TAS1R2: variants seen among roughly 807,000 people sequenced by gnomAD.
TAS1R2 encodes the protein taste receptor type 1 member 2.
TAS1R2 carries 47 observed loss-of-function variants against 49.3 expected under a neutral mutation model. That is an observed-to-expected ratio of 0.95 (90% CI 0.75 to 1.22). The LOEUF (loss-of-function observed/expected upper bound fraction) is 1.22, where lower values mean the gene tolerates loss of function less well. Ranked by LOEUF, TAS1R2 falls within the 50% of genes most tolerant of loss-of-function variation. The probability of loss-of-function intolerance (pLI) is 0.00; values close to 1 mark genes in which losing one functional copy is unlikely to be tolerated. For synonymous variants in TAS1R2, 479 were observed against 467.9 expected, an observed-to-expected ratio of 1.02 and a Z score of -0.31; for missense variants, 1,155 against 1,122.1, an observed-to-expected ratio of 1.03 and a Z score of -0.42.
chr1:18,859,350 G>C (rs541215068), intron 1 of TAS1R2, 129 bp downstream of exon 1: 1 of 1,139,378 alleles, frequency 8.8e-7, no homozygotes, highest in East Asian at 2.4e-5. Context: ...AGAATAAGGG[G>C]GTTGGCAATG....
intron 4 of TAS1R2, among the ~76,000 whole-genome samples, chr1:18,844,689 G>T (rs2100509824): frequency 6.6e-6 from 1 of 152,266 alleles, no homozygotes; most frequent in East Asian, 1.9e-4. Flanking sequence ...TGGGGGCGGA[G>T]GTTGCAATGA....
intron 4 of TAS1R2, among the ~76,000 whole-genome samples, chr1:18,848,727 T>C (rs4920555): frequency 0.41 from 63,009 of 152,034 alleles, 13,356 homozygotes; most frequent in East Asian, 0.55. Flanking sequence ...GAACTGTGCA[T>C]ACAAGGGATC....
At chr1:18,849,080 G>GCA (rs1933973518) in intron 4 of TAS1R2, among the ~76,000 whole-genome samples, 1 of 152,130 alleles carries the variant, frequency 6.6e-6, no homozygotes, top group South Asian at 2.1e-4. Context: ...ACCAAGTCAG[G>GCA]CACACACACA....
At chr1:18,848,682 G>A (rs188996299) in intron 4 of TAS1R2, among the ~76,000 whole-genome samples, 12 of 152,184 alleles carry the variant, frequency 7.9e-5, no homozygotes, top group East Asian at 5.8e-4. Flanking sequence ...ATCAACATCC[G>A]CATTAGATTC....
At chr1:18,849,509 G>A (rs1933983526) in exon 4 of TAS1R2, 4 of 1,614,228 alleles carry the variant, frequency 2.5e-6, no homozygotes, top group Non-Finnish European at 3.4e-6. Flanking sequence ...AGATTTGGTG[G>A]TCCAGGAGAG....
Position 18,849,329 on chromosome 1 carries a change from C to A in TAS1R2, c.1467+12G>T. The A allele has an allele frequency of 6.2e-7, 1 of 1,613,406 alleles. No individual in the cohort carries two copies. The highest frequency in any genetic ancestry group is 8.5e-7 in the Non-Finnish European group (1 of 1,179,972). On this transcript the variant is annotated intron_variant, in intron 4 of 5. Coordinates refer to ENST00000375371, the Ensembl canonical transcript of TAS1R2. Reference sequence around the variant, plus strand: ...CCCCAGGCCTGCCCACCCACCAGGCCCCCTGGCTGACCGTGTTGTTGATGG... The same window carrying A: ...CCCCAGGCCTGCCCACCCACCAGGCACCCTGGCTGACCGTGTTGTTGATGG...
intron 4 of TAS1R2, among the ~76,000 whole-genome samples, chr1:18,844,574 C>T (rs894832505): frequency 2.6e-5 from 4 of 152,062 alleles, no homozygotes; most frequent in African/African-American, 4.8e-5. Context: ...GCCAACATGG[C>T]GAAATGCTGT....
intron 1 of TAS1R2, among the ~76,000 whole-genome samples, chr1:18,859,247 T>C (rs1218995442): frequency 1.3e-5 from 2 of 152,202 alleles, no homozygotes; most frequent in Non-Finnish European, 2.9e-5. Context: ...GGCACTGAGA[T>C]GACCCCAGTC....
chr1:18,839,938 G>A, exon 6 of TAS1R2: 4 of 1,614,226 alleles, frequency 2.5e-6, no homozygotes, highest in Non-Finnish European at 3.4e-6. Context: ...TGAACAGCAG[G>A]CTGTTGCGGT....
intron 3 of TAS1R2, among the ~76,000 whole-genome samples, chr1:18,852,000 C>T (rs535110404): frequency 9.2e-5 from 14 of 152,322 alleles, no homozygotes; most frequent in African/African-American, 2.9e-4. Flanking sequence ...AGGTGAACAC[C>T]GTGTCCGGCA....
At chr1:18,855,168 G>C (rs973425776) in intron 2 of TAS1R2, among the ~76,000 whole-genome samples, 182 bp from the exon 3 acceptor site, 1 of 152,168 alleles carries the variant, frequency 6.6e-6, no homozygotes, top group Non-Finnish European at 1.5e-5. Context: ...AGAACCTACT[G>C]TGTGCCAGGC....
intron 2 of TAS1R2, among the ~76,000 whole-genome samples, 153 bp from the exon 3 acceptor site, chr1:18,855,139 C>T (rs1385150926): frequency 6.6e-6 from 1 of 152,154 alleles, no homozygotes; most frequent in African/African-American, 2.4e-5. Context: ...TCATGGTCCC[C>T]AGGTAGCCCC....
intron 4 of TAS1R2, among the ~76,000 whole-genome samples, chr1:18,842,090 G>A (rs1933841568): frequency 6.6e-6 from 1 of 152,128 alleles, no homozygotes; most frequent in Admixed American, 6.5e-5. Flanking sequence ...CTTTCCTCAA[G>A]GGAAACCATT....
intron 3 of TAS1R2, among the ~76,000 whole-genome samples, chr1:18,850,015 A>ACTGT (rs1933992213): frequency 6.6e-6 from 1 of 152,122 alleles, no homozygotes; most frequent in African/African-American, 2.4e-5. Flanking sequence ...TACAGAGTCC[A>ACTGT]CTGTCTCTGT....
chr1:18,842,096 C>A (rs979218516), intron 4 of TAS1R2, among the ~76,000 whole-genome samples: 1 of 152,088 alleles, frequency 6.6e-6, no homozygotes, highest in South Asian at 2.1e-4. Context: ...TCAAGGGAAA[C>A]CATTTTACCA....
intron 3 of TAS1R2, among the ~76,000 whole-genome samples, chr1:18,851,249 G>A (rs1387817477): frequency 6.6e-6 from 1 of 152,138 alleles, no homozygotes; most frequent in East Asian, 1.9e-4. Flanking sequence ...GGCCCCATTT[G>A]TGAAATAAAA....
chr1:18,840,762 G>A (rs1174145733), intron 5 of TAS1R2, among the ~76,000 whole-genome samples: 1 of 152,222 alleles, frequency 6.6e-6, no homozygotes, highest in East Asian at 1.9e-4. Context: ...TTTGCCCAAA[G>A]CCAGTAAGTT....
exon 6 of TAS1R2, chr1:18,840,526 A>T: frequency 6.2e-7 from 1 of 1,614,148 alleles, no homozygotes; most frequent in Non-Finnish European, 8.5e-7. Flanking sequence ...ATTCATATTC[A>T]TCTGCAAAAG....
chr1:18,854,853 A>C lies in TAS1R2; in HGVS notation c.617T>G (p.Ile206Ser), dbSNP rs1031468864. The C allele has an allele frequency of 1.9e-6, 3 of 1,610,660 alleles. No homozygotes were observed. Among genetic ancestry groups the C allele is most frequent in the Non-Finnish European group, 2.5e-6 (3 of 1,179,850 alleles). The change falls in exon 3 of 6, where the codon ATC (isoleucine) becomes AGC (serine). Residue 206 changes from isoleucine (I) to serine (S), a missense_variant. By Grantham distance (142) the Ile-to-Ser change is moderately radical. Transcript: ENST00000375371. The surrounding 1 kb of genome is among the most constrained non-coding windows in gnomAD (Gnocchi z 4.9). The stretch of plus-strand genomic sequence containing the variant: ...GGTGTCGCTGCTCACCAGCACAATG[A>C]TCCAGTTCCAGCGGAAGTGCAGCAT...
Sources: gnomAD v4.1 joint callset for allele counts (sites outside exome capture counted in the v4.1 genomes callset) on GRCh38, gnomAD v4.1.1 for gene constraint, Gnocchi (gnomAD v3.1) non-coding constraint, MANE v1.5 for transcripts, NCBI Gene and HGNC (gene_info 2026-07-23, HGNC 2026-07-21) for gene names.